Variants in GRM8 observed in about 807,000 individuals in gnomAD.
GRM8 encodes the protein metabotropic glutamate receptor 8.
A neutral mutation model predicts 87.2 loss-of-function variants in GRM8; 47 were observed. The ratio of observed to expected loss-of-function variants is 0.54; its 90% CI spans 0.43 to 0.69. GRM8 has a LOEUF of 0.69. GRM8 is among the 30% of genes least tolerant of loss of function. The probability of loss-of-function intolerance (pLI) is 0.00; values close to 1 mark genes in which losing one functional copy is unlikely to be tolerated. For synonymous variants in GRM8, 396 were observed against 404.5 expected (o/e 0.98, Z 0.25); for missense variants, 1,019 against 1,139.2 (o/e 0.89, Z 1.52).
intron 3 of GRM8, among the ~76,000 whole-genome samples, chr7:127,036,564 C>T (rs1586817008): frequency 1.3e-5 from 2 of 152,230 alleles, no homozygotes; most frequent in East Asian, 3.9e-4. Context: ...GCAGCAGATC[C>T]CCACCCTGGG....
intron 6 of GRM8, among the ~76,000 whole-genome samples, chr7:126,823,957 T>C (rs1794525921): frequency 6.6e-6 from 1 of 152,130 alleles, no homozygotes; most frequent in African/African-American, 2.4e-5. Context: ...AGATAATGTG[T>C]TTGTGTGTGT....
chr7:126,725,909 T>C (rs1308797236), intron 7 of GRM8, among the ~76,000 whole-genome samples: 1 of 152,024 alleles, frequency 6.6e-6, no homozygotes, highest in Non-Finnish European at 1.5e-5. Context: ...AGAGCTCACG[T>C]GTTATCAAGG....
chr7:126,563,450 T>G (rs1389516220), intron 8 of GRM8, among the ~76,000 whole-genome samples: 2 of 152,138 alleles, frequency 1.3e-5, no homozygotes, highest in Non-Finnish European at 2.9e-5. Context: ...TGGGAAGAGC[T>G]TCCCAAAAAC....
Position 126,631,396 on chromosome 7 carries a change from C to A in GRM8, c.1358-21898G>T, listed in dbSNP as rs559056974. 2.0e-5 allele frequency among the ~76,000 whole-genome samples: 3 copies of A among 152,050 alleles called. No individual in the cohort carries two copies. The East Asian group carries it at 5.8e-4, about 29-fold the overall frequency. On this transcript the variant is annotated intron_variant, in intron 7 of 10. Coordinates refer to ENST00000339582, the MANE Select transcript of GRM8 (RefSeq NM_000845.3). Reference sequence around the variant, plus strand: ...AGAAATCAGAGATGACACAAACAAACGGAAACTCATTTCATAATCATGGAT... The same window carrying A: ...AGAAATCAGAGATGACACAAACAAAAGGAAACTCATTTCATAATCATGGAT...
At chr7:126,589,695 T>G (rs141070339) in intron 8 of GRM8, among the ~76,000 whole-genome samples, 1 of 152,030 alleles carries the variant, frequency 6.6e-6, no homozygotes, top group East Asian at 1.9e-4. Context: ...TAAACAACAA[T>G]AATACAACTA....
intron 3 of GRM8, among the ~76,000 whole-genome samples, chr7:127,078,571 G>A (rs1225948489): frequency 1.3e-5 from 2 of 152,354 alleles, no homozygotes; most frequent in South Asian, 4.1e-4. Flanking sequence ...TACAGCCTTG[G>A]TTGAAAAGAC....
chr7:126,469,106 C>T (rs950243409), intron 9 of GRM8, among the ~76,000 whole-genome samples: 1 of 152,078 alleles, frequency 6.6e-6, no homozygotes, highest in African/African-American at 2.4e-5. Context: ...ATCTCCTTCA[C>T]CTAATAAAGG....
intron 3 of GRM8, among the ~76,000 whole-genome samples, chr7:126,962,430 T>C (rs779903581): frequency 3.3e-5 from 5 of 152,216 alleles, no homozygotes; most frequent in Admixed American, 1.3e-4. Context: ...GAATACAAAT[T>C]TGTTTCCCTT....
At chr7:126,633,599 C>T (rs1801560323) in intron 7 of GRM8, among the ~76,000 whole-genome samples, 1 of 152,040 alleles carries the variant, frequency 6.6e-6, no homozygotes, top group African/African-American at 2.4e-5. Context: ...CACTGATATT[C>T]TTATATCATT....
chr7:127,053,013 A>T (rs76888293), intron 3 of GRM8, among the ~76,000 whole-genome samples: 12,128 of 152,224 alleles, frequency 0.08, 520 homozygotes, highest in South Asian at 0.13. Flanking sequence ...ATCAATATGT[A>T]TTTTTAAGTT....
chr7:127,103,684 C>T (rs1825545031), intron 3 of GRM8, among the ~76,000 whole-genome samples: 1 of 152,180 alleles, frequency 6.6e-6, no homozygotes, highest in Admixed American at 6.5e-5. Context: ...CCAATTTTGT[C>T]TCCCATAATT....
intron 7 of GRM8, among the ~76,000 whole-genome samples, chr7:126,665,021 C>T (rs1360313636): frequency 6.6e-6 from 1 of 152,136 alleles, no homozygotes; most frequent in African/African-American, 2.4e-5. Context: ...AAATGCTCAA[C>T]ATCATTAATC....
At chr7:127,233,738 G>A (rs17867127) in intron 2 of GRM8, among the ~76,000 whole-genome samples, 3,260 of 152,274 alleles carry the variant, frequency 0.021, 109 homozygotes, top group African/African-American at 0.071. Flanking sequence ...GCCTTGAAGC[G>A]TCTTAGAGGG....
chr7:127,015,081 G>GAAGAAGAAAGA (rs1815400175), intron 3 of GRM8, among the ~76,000 whole-genome samples: 4 of 89,996 alleles, frequency 4.4e-5, no homozygotes, highest in Admixed American at 3.2e-4. Context: ...GAAAGAAGGA[G>GAAGAAGAAAGA]AAGAAGGAGA....
chr7:126,619,932 C>A (rs1253365492), intron 7 of GRM8, among the ~76,000 whole-genome samples: 3 of 152,024 alleles, frequency 2.0e-5, no homozygotes, highest in Non-Finnish European at 1.5e-5. Flanking sequence ...GTCAAGCAAT[C>A]CTCCCTCCTT....
At chr7:127,241,439 T>C (rs889855676) in intron 2 of GRM8, among the ~76,000 whole-genome samples, 3 of 77,114 alleles carry the variant, frequency 3.9e-5, no homozygotes, top group African/African-American at 2.0e-4. Context: ...TTTTTTTTCT[T>C]TTTTTTTTTT....
At chr7:126,754,201 A>G (rs557734304) in intron 7 of GRM8, among the ~76,000 whole-genome samples, 1 of 151,906 alleles carries the variant, frequency 6.6e-6, no homozygotes, top group Non-Finnish European at 1.5e-5. Flanking sequence ...TAGAATACCT[A>G]AACTTGTATA....
At chr7:126,500,016 C>G (rs569444238) in intron 9 of GRM8, among the ~76,000 whole-genome samples, 1 of 151,924 alleles carries the variant, frequency 6.6e-6, no homozygotes, top group African/African-American at 2.4e-5. Context: ...GTAGAAAGAT[C>G]AAATCAGGCT....
intron 2 of GRM8, among the ~76,000 whole-genome samples, chr7:127,187,164 C>T (rs916041597): frequency 6.6e-6 from 1 of 152,108 alleles, no homozygotes; most frequent in Non-Finnish European, 1.5e-5. Flanking sequence ...ACAATAAGAA[C>T]ATAGTGTTTA....
Sources: gnomAD v4.1 joint callset for allele counts (sites outside exome capture counted in the v4.1 genomes callset) on GRCh38, gnomAD v4.1.1 for gene constraint, MANE v1.5 for transcripts, NCBI Gene and HGNC (gene_info 2026-07-23, HGNC 2026-07-21) for gene names.